SLC8A1: variants seen among roughly 807,000 people sequenced by gnomAD.
SLC8A1 encodes the protein solute carrier family 8 member A1.
Under a neutral mutation model 68.3 loss-of-function variants are expected in SLC8A1, and 18 were observed. That is an observed-to-expected ratio of 0.26 (90% CI 0.18 to 0.39). The LOEUF (loss-of-function observed/expected upper bound fraction) is 0.39. Among genes scored for constraint, SLC8A1 ranks in the 10% least tolerant of loss-of-function variants. SLC8A1 has a pLI of 1.00. For synonymous variants in SLC8A1, 475 were observed against 415.5 expected, an observed-to-expected ratio of 1.14 and a Z score of -1.74; for missense variants, 985 against 1,156.7, an observed-to-expected ratio of 0.85 and a Z score of 2.15.
exon 8 of SLC8A1, chr2:40,100,339 C>T (rs1055629820): frequency 2.6e-5 from 4 of 152,022 alleles, no homozygotes; most frequent in African/African-American, 9.7e-5. Context: ...CAAGTCCCCA[C>T]TGTAATTTAG....
intron 1 of SLC8A1, among the ~76,000 whole-genome samples, chr2:40,447,758 T>G (rs962624743): frequency 2.0e-5 from 3 of 152,216 alleles, no homozygotes; most frequent in Non-Finnish European, 4.4e-5. Flanking sequence ...GCCCAAGAAA[T>G]AAATGCTTTG....
chr2:40,292,724 T>A (rs546526618), intron 2 of SLC8A1, among the ~76,000 whole-genome samples: 1 of 152,264 alleles, frequency 6.6e-6, no homozygotes, highest in Admixed American at 6.5e-5. Context: ...TGTACTTTTT[T>A]ATTTGTCTTT....
At chr2:40,338,789 A>G (rs1035448011) in intron 2 of SLC8A1, among the ~76,000 whole-genome samples, 1 of 152,208 alleles carries the variant, frequency 6.6e-6, no homozygotes, top group Non-Finnish European at 1.5e-5. Context: ...CCTGAAAGGT[A>G]TCATATGTAT....
At chr2:40,441,070 C>A (rs1335117852) in intron 1 of SLC8A1, among the ~76,000 whole-genome samples, 1 of 152,188 alleles carries the variant, frequency 6.6e-6, no homozygotes, top group Non-Finnish European at 1.5e-5. Context: ...TGACAAGCAA[C>A]TTCAGCAGTC....
intron 6 of SLC8A1, among the ~76,000 whole-genome samples, chr2:40,148,491 G>A (rs1225125729): frequency 1.3e-5 from 2 of 152,178 alleles, no homozygotes; most frequent in Admixed American, 1.3e-4. Flanking sequence ...TGCAAATTGA[G>A]TAACAGTCTA....
intron 2 of SLC8A1, among the ~76,000 whole-genome samples, chr2:40,368,755 TG>T (rs1247397142): frequency 6.6e-6 from 1 of 151,854 alleles, no homozygotes; most frequent in Non-Finnish European, 1.5e-5. Context: ...GCCCAATATG[TG>T]TTGTTCCCCT....
At chr2:40,373,999 T>C (rs552447010) in intron 2 of SLC8A1, among the ~76,000 whole-genome samples, 1 of 152,300 alleles carries the variant, frequency 6.6e-6, no homozygotes, top group East Asian at 1.9e-4. Flanking sequence ...AGGTATCAGA[T>C]ACACTCCTTG....
At chr2:40,453,086 T>C (rs1702747816), upstream of SLC8A1, 1 of 152,102 alleles carries the variant, frequency 6.6e-6, no homozygotes, top group Non-Finnish European at 1.5e-5. Context: ...AAACCCTTAA[T>C]GACTTCACGT....
chr2:40,288,864 A>ATTT (rs35858344), intron 2 of SLC8A1, among the ~76,000 whole-genome samples: 2 of 125,844 alleles, frequency 1.6e-5, no homozygotes, highest in African/African-American at 7.3e-5. Context: ...TATATATATG[A>ATTT]TTTTTTTTTT....
intron 6 of SLC8A1, among the ~76,000 whole-genome samples, chr2:40,144,529 A>G (rs1301960826): frequency 6.6e-6 from 1 of 152,082 alleles, no homozygotes; most frequent in East Asian, 1.9e-4. Context: ...TTTGAGTCGG[A>G]ATTTTTTTAA....
At chr2:40,406,331 T>C (rs1434243367) in intron 2 of SLC8A1, among the ~76,000 whole-genome samples, 1 of 152,206 alleles carries the variant, frequency 6.6e-6, no homozygotes, top group Non-Finnish European at 1.5e-5. Flanking sequence ...TCTTCATGAA[T>C]GCAGAGTTAT....
In SLC8A1 at chr2:40,229,809, AAC is replaced by A. The variant is rs1461720496; in HGVS notation, c.1809-51956_1809-51955del. Among the ~76,000 whole-genome samples, 6 of 152,282 alleles carry A rather than the reference AAC, an allele frequency of 3.9e-5. No individual in the cohort carries two copies. In the East Asian group the frequency reaches 5.8e-4, roughly 15 times the overall value. The stretch of plus-strand genomic sequence containing the variant: ...GTATTGTGTGCTTGGTTCTTTAAAA[AAC>A]AGTTATGCACATGTAAAAAAAGTAT... On this transcript the variant is annotated intron_variant, in intron 2 of 7. Transcript: ENST00000406785.
Position 40,322,849 on chromosome 2 carries a change from C to T in SLC8A1, c.1808+105624G>A, listed in dbSNP as rs887288755. ...ACACACACACACACACACACACACA[C>T]ACCACACACACCCCACACACAGAAT... On this transcript the variant is annotated intron_variant, in intron 2 of 7. Transcript: ENST00000406785. 5.3e-5 allele frequency among the ~76,000 whole-genome samples: 8 copies of T among 150,466 alleles called. No individual in the cohort carries two copies. The East Asian group carries it at 1.6e-3, about 30-fold the overall frequency.
At chr2:40,179,763 G>A (rs560198743) in intron 2 of SLC8A1, among the ~76,000 whole-genome samples, 2 of 152,112 alleles carry the variant, frequency 1.3e-5, no homozygotes, top group African/African-American at 4.8e-5. Flanking sequence ...AGTTTCATTA[G>A]ATCTATGCAT....
intron 2 of SLC8A1, among the ~76,000 whole-genome samples, chr2:40,366,446 T>C (rs762426707): frequency 1.7e-4 from 26 of 152,108 alleles, no homozygotes; most frequent in Admixed American, 6.6e-5. Context: ...GACAAGGCTA[T>C]CGTGAGGAAC....
chr2:40,271,616 A>T (rs1244189347), intron 2 of SLC8A1, among the ~76,000 whole-genome samples: 1 of 152,154 alleles, frequency 6.6e-6, no homozygotes, highest in Non-Finnish European at 1.5e-5. Flanking sequence ...GCAGAAGAAA[A>T]AGTTTCTTTA....
At chr2:40,202,518 T>C (rs1401340057) in intron 2 of SLC8A1, among the ~76,000 whole-genome samples, 1 of 152,010 alleles carries the variant, frequency 6.6e-6, no homozygotes, top group Non-Finnish European at 1.5e-5. Context: ...CATTTCTGAA[T>C]AGAAGGGGAA....
rs144313190 is a variant in SLC8A1, at chr2:40,275,005, A to C, written c.1809-97150T>G. ...TAGGAAAATATAAGTAATTTACTGCAAAAGTGCATCAAAGTTGAAGCATTT... is the reference window on the plus strand; with the variant it reads ...TAGGAAAATATAAGTAATTTACTGCCAAAGTGCATCAAAGTTGAAGCATTT... On this transcript the variant is annotated intron_variant, in intron 2 of 7. Transcript: ENST00000406785. 9.3e-4 allele frequency among the ~76,000 whole-genome samples: 141 copies of C among 152,370 alleles called. 1 individual carries two copies. Among genetic ancestry groups the C allele is most frequent in the African/African-American group, 3.2e-3 (135 of 41,576 alleles).
intron 5 of SLC8A1, among the ~76,000 whole-genome samples, chr2:40,161,896 T>G: frequency 6.6e-6 from 1 of 152,218 alleles, no homozygotes; most frequent in East Asian, 1.9e-4. Flanking sequence ...TTTTATGCAA[T>G]GTACTTGAGT....
Sources: allele counts gnomAD v4.1 joint callset (sites outside exome capture counted in the v4.1 genomes callset), GRCh38; gene constraint gnomAD v4.1.1; transcripts MANE v1.5; gene names NCBI Gene and HGNC (gene_info 2026-07-23, HGNC 2026-07-21).